The following ARHGAP15 variants were observed in gnomAD, a reference collection of about 807,000 sequenced individuals.
The protein encoded by ARHGAP15 is rho GTPase-activating protein 15.
Under a neutral mutation model 63.7 loss-of-function variants are expected in ARHGAP15, and 51 were observed. The observed-to-expected ratio is 0.80, with a 90% CI of 0.64 to 1.01. ARHGAP15 has a LOEUF of 1.01. ARHGAP15 is among the 50% of genes least tolerant of loss of function. ARHGAP15 has a pLI of 0.00. For synonymous variants in ARHGAP15, 191 were observed against 193.8 expected (o/e 0.99, Z 0.12); for missense variants, 560 against 564.6 (o/e 0.99, Z 0.08).
chr2:143,296,566 A>C (rs1459829794), intron 6 of ARHGAP15, among the ~76,000 whole-genome samples: 1 of 152,032 alleles, frequency 6.6e-6, no homozygotes, highest in Non-Finnish European at 1.5e-5. Context: ...GTTAGGCTTC[A>C]GTGAAAACCC....
chr2:143,363,180 T>C (rs1176402064), intron 6 of ARHGAP15, among the ~76,000 whole-genome samples: 1 of 152,220 alleles, frequency 6.6e-6, no homozygotes, highest in Non-Finnish European at 1.5e-5. Flanking sequence ...CTGGTCTTCA[T>C]TCATTTTTTT....
At chr2:143,599,952 A>G (rs538971262) in intron 11 of ARHGAP15, among the ~76,000 whole-genome samples, 55 of 152,246 alleles carry the variant, frequency 3.6e-4, no homozygotes, top group African/African-American at 1.3e-3. Flanking sequence ...ATGCCCCCCT[A>G]AAACATAACC....
chr2:143,181,217 G>A (rs1462416401), intron 2 of ARHGAP15, among the ~76,000 whole-genome samples: 1 of 152,092 alleles, frequency 6.6e-6, no homozygotes, highest in African/African-American at 2.4e-5. Flanking sequence ...AAACTGATGT[G>A]CTGTCATCCA....
chr2:143,508,872 G>A (rs1003078425), intron 9 of ARHGAP15, among the ~76,000 whole-genome samples: 1 of 152,162 alleles, frequency 6.6e-6, no homozygotes, highest in Non-Finnish European at 1.5e-5. Flanking sequence ...AAAACGAGGG[G>A]CCAAAGGGTA....
chr2:143,768,052 T>C lies in ARHGAP15; in HGVS notation c.1308T>C (p.Pro436=). ...AAAGCTTGGGGATTGTATTTGGACC[T>C]ACCCTTCTGCGAGCTGAAAATGAAA... is the stretch of plus-strand genomic sequence containing the variant. The part of the protein sequence containing the change: ...STQSLGIVFG[P]TLLRAENETG... The change falls in exon 14 of 14, where the codon CCT becomes CCC. Residue 436 remains proline, a synonymous_variant. Transcript: ENST00000295095. 1 of 1,613,792 alleles carries C rather than the reference T, an allele frequency of 6.2e-7. No individual in the cohort carries two copies. The highest frequency in any genetic ancestry group is 8.5e-7 in the Non-Finnish European group (1 of 1,179,778).
intron 6 of ARHGAP15, among the ~76,000 whole-genome samples, chr2:143,365,709 G>GT (rs142836480): frequency 0.019 from 2,891 of 152,196 alleles, 92 homozygotes; most frequent in African/African-American, 0.065. Context: ...CCTTAGACAA[G>GT]TTTTTTAACA....
At chr2:143,133,500 A>T (rs1422820630) in intron 1 of ARHGAP15, among the ~76,000 whole-genome samples, 1 of 152,202 alleles carries the variant, frequency 6.6e-6, no homozygotes, top group Non-Finnish European at 1.5e-5. Context: ...CTGTGAAGTG[A>T]CATTTTCTTT....
intron 6 of ARHGAP15, among the ~76,000 whole-genome samples, chr2:143,330,094 C>CAAAAAAAAAAAAAAAAAAAAAAAAA (rs1303438123): frequency 5.9e-4 from 1 of 1,686 alleles, no homozygotes; most frequent in Non-Finnish European, 1.4e-3. Context: ...GGCTCTGTCT[C>CAAAAAAAAAAAAAAAAAAAAAAAAA]AAAAAAAAAA....
chr2:143,331,043 C>G (rs967301576), intron 6 of ARHGAP15, among the ~76,000 whole-genome samples: 26 of 152,066 alleles, frequency 1.7e-4, no homozygotes, highest in Non-Finnish European at 2.9e-4. Context: ...TTTATTTCAG[C>G]TTCAAAAGGA....
chr2:143,379,333 T>A (rs1411213250), intron 6 of ARHGAP15, among the ~76,000 whole-genome samples: 1 of 151,378 alleles, frequency 6.6e-6, no homozygotes, highest in Non-Finnish European at 1.5e-5. Flanking sequence ...AACAAGGTGG[T>A]TTTTTAGGCA....
intron 12 of ARHGAP15, among the ~76,000 whole-genome samples, chr2:143,700,113 G>A (rs1416168268): frequency 6.6e-6 from 1 of 152,100 alleles, no homozygotes; most frequent in Non-Finnish European, 1.5e-5. Context: ...AATTTGACAA[G>A]CATTCAAGCA....
At chr2:143,570,406 T>A (rs1696404032) in intron 11 of ARHGAP15, among the ~76,000 whole-genome samples, 1 of 152,238 alleles carries the variant, frequency 6.6e-6, no homozygotes, top group Non-Finnish European at 1.5e-5. Flanking sequence ...AATCACATGC[T>A]TATATCTTAT....
intron 3 of ARHGAP15, among the ~76,000 whole-genome samples, chr2:143,203,243 C>T (rs6711010): frequency 0.17 from 25,628 of 152,126 alleles, 2,353 homozygotes; most frequent in Middle Eastern, 0.24. Flanking sequence ...CCAGATCCCA[C>T]ATCCCCACTC....
At chr2:143,225,329 C>T (rs942617600) in intron 4 of ARHGAP15, among the ~76,000 whole-genome samples, 3 of 152,060 alleles carry the variant, frequency 2.0e-5, no homozygotes, top group Non-Finnish European at 4.4e-5. Context: ...CGGCCGGGCG[C>T]GGTGGCTCAC....
intron 8 of ARHGAP15, among the ~76,000 whole-genome samples, chr2:143,476,538 T>C (rs1486612132): frequency 6.6e-6 from 1 of 152,188 alleles, no homozygotes; most frequent in African/African-American, 2.4e-5. Context: ...CTGTATGTGT[T>C]TATGGGCAGG....
At chr2:143,448,068 A>C (rs1049138287) in intron 8 of ARHGAP15, among the ~76,000 whole-genome samples, 2 of 152,170 alleles carry the variant, frequency 1.3e-5, no homozygotes, top group African/African-American at 2.4e-5. Context: ...GCTGCTGTGG[A>C]ACTCTAGCAG....
intron 8 of ARHGAP15, among the ~76,000 whole-genome samples, chr2:143,443,288 G>T (rs1689976271): frequency 6.6e-6 from 1 of 152,082 alleles, no homozygotes; most frequent in African/African-American, 2.4e-5. Flanking sequence ...AAATTGCACA[G>T]ATAAACCATA....
intron 12 of ARHGAP15, among the ~76,000 whole-genome samples, chr2:143,667,444 T>G (rs146885776): frequency 7.7e-6 from 1 of 129,968 alleles, no homozygotes; most frequent in African/African-American, 2.7e-5. Context: ...GGGGGAGAGA[T>G]AGCATTGGGA....
chr2:143,306,454 T>TATATC (rs1306647918), intron 6 of ARHGAP15, among the ~76,000 whole-genome samples: 1 of 152,132 alleles, frequency 6.6e-6, no homozygotes, highest in African/African-American at 2.4e-5. Flanking sequence ...ACATATCGAT[T>TATATC]ATATCTTCTG....
Sources: gnomAD v4.1 joint callset for allele counts (sites outside exome capture counted in the v4.1 genomes callset) on GRCh38, gnomAD v4.1.1 for gene constraint, MANE v1.5 for transcripts, NCBI Gene and HGNC (gene_info 2026-07-23, HGNC 2026-07-21) for gene names.